The following DSCAM variants were observed in gnomAD, a reference collection of about 807,000 sequenced individuals.
DSCAM encodes DS cell adhesion molecule, also known as cell adhesion molecule DSCAM.
In DSCAM, 47 loss-of-function variants were observed where a neutral mutation model predicts 217.7. That is an observed-to-expected ratio of 0.22 (90% confidence interval 0.17 to 0.28). The LOEUF (loss-of-function observed/expected upper bound fraction) is 0.28, where lower values mean the gene tolerates loss of function less well. Among genes scored for constraint, DSCAM ranks in the 10% least tolerant of loss-of-function variants. The pLI is 1.00. For synonymous variants in DSCAM, 1,056 were observed against 1,015.3 expected (o/e 1.04, Z -0.76); for missense variants, 2,080 against 2,618.3 (o/e 0.79, Z 4.49).
chr21:40,354,990 T>A lies in DSCAM; in HGVS notation c.656-1247A>T, dbSNP rs144718831. ...ATTTATTCATTTCACAAATATGTTT[T>A]GATCCCTCAGTGTAGACCAGCACAG... On this transcript the variant is annotated intron_variant, in intron 4 of 32. Transcript: ENST00000400454. 6.3e-3 allele frequency among the ~76,000 whole-genome samples: 964 copies of A among 152,312 alleles called. 16 individuals are homozygous for A. Among genetic ancestry groups the A allele is most frequent in the African/African-American group, 0.022 (906 of 41,564 alleles).
intron 20 of DSCAM, among the ~76,000 whole-genome samples, chr21:40,097,964 AAGAAAGAAAGAAAGAAAG>A (rs1568939080): frequency 0.012 from 871 of 71,328 alleles, 148 homozygotes; most frequent in Middle Eastern, 0.026. Context: ...AAAAGAAAGA[AAGAAAGAAAGAAAGAAAG>A]AAAGAAAGAA....
At chr21:40,745,530 T>C (rs984773285) in intron 1 of DSCAM, among the ~76,000 whole-genome samples, 12 of 152,138 alleles carry the variant, frequency 7.9e-5, no homozygotes, top group Non-Finnish European at 2.9e-5. Context: ...GAAAGAACCT[T>C]GTAGCCAAGA....
At chr21:40,332,018 C>A (rs1041498100) in intron 8 of DSCAM, among the ~76,000 whole-genome samples, 2 of 152,178 alleles carry the variant, frequency 1.3e-5, no homozygotes, top group African/African-American at 4.8e-5. Context: ...CACTCAGGTG[C>A]CACATCGCTC....
chr21:40,495,193 A>C (rs1005970104), intron 3 of DSCAM, among the ~76,000 whole-genome samples: 1 of 152,184 alleles, frequency 6.6e-6, no homozygotes, highest in Non-Finnish European at 1.5e-5. Context: ...AAATTATTTT[A>C]AAAAGTCTAA....
intron 13 of DSCAM, 57 bp from the exon 14 acceptor site, chr21:40,187,316 G>A (rs1033845819): frequency 3.8e-6 from 6 of 1,599,814 alleles, no homozygotes; most frequent in East Asian, 2.2e-5. Context: ...GACATAAAAC[G>A]CTAGTGGAAA....
At chr21:40,070,394 GGAAAA>G (rs140043150) in intron 27 of DSCAM, among the ~76,000 whole-genome samples, 26,851 of 143,952 alleles carry the variant, frequency 0.19, 2,766 homozygotes, top group Non-Finnish European at 0.25. Flanking sequence ...AAGGAAGGAA[GGAAAA>G]GAAAAGAAAA....
rs538346774 is a variant in DSCAM at position 40,452,259 on chromosome 21, C to T, written c.509-83014G>A. 1.4e-4 allele frequency among the ~76,000 whole-genome samples: 22 copies of T among 151,756 alleles called. No individual in the cohort carries two copies. In the South Asian group the frequency reaches 4.6e-3, roughly 32 times the overall value. On this transcript the variant is annotated intron_variant, in intron 3 of 32. Coordinates refer to ENST00000400454, the MANE Select transcript of DSCAM (RefSeq NM_001389.5). ...TATTACACACACACACACACACACACACACACACAGGTATCCTGGAGGTAT... is the reference window on the plus strand; with the variant it reads ...TATTACACACACACACACACACACATACACACACAGGTATCCTGGAGGTAT...
chr21:40,251,432 G>A (rs533803006), intron 11 of DSCAM, among the ~76,000 whole-genome samples: 13 of 152,076 alleles, frequency 8.5e-5, no homozygotes, highest in Middle Eastern at 3.4e-3. Context: ...CACCATTCCC[G>A]ATGTTTCCTT....
chr21:40,157,903 A>G (rs1205792895), intron 16 of DSCAM, among the ~76,000 whole-genome samples: 1 of 151,958 alleles, frequency 6.6e-6, no homozygotes, highest in Non-Finnish European at 1.5e-5. Context: ...TATGTTGCCC[A>G]GGCTGGTCTT....
chr21:40,636,179 C>A (rs2089755748), intron 3 of DSCAM, among the ~76,000 whole-genome samples: 1 of 152,166 alleles, frequency 6.6e-6, no homozygotes, highest in South Asian at 2.1e-4. Context: ...CTCGCTATCT[C>A]TGCTGCCCAG....
Position 40,187,180 on chromosome 21 carries a change from A to T in DSCAM, c.2730T>A (p.Asp910Glu). The change falls in exon 14 of 33, where the codon GAT becomes GAA. Residue 910 changes from aspartate (D) to glutamate (E), a missense_variant. By Grantham distance (45) the Asp-to-Glu change is conservative (BLOSUM62 2). Transcript: ENST00000400454. ...TITLRWTMGFDGNSPITGYDI... is the reference protein window; with the variant it reads ...TITLRWTMGFEGNSPITGYDI... ...CGTAGCCTGTGATGGGACTGTTTCC[A>T]TCAAACCCCATGGTCCACCTGAGCG... 1 of 1,614,200 alleles carries T rather than the reference A, an allele frequency of 6.2e-7. No homozygotes were observed. The highest frequency in any genetic ancestry group is 8.5e-7 in the Non-Finnish European group (1 of 1,180,008).
intron 3 of DSCAM, among the ~76,000 whole-genome samples, chr21:40,599,206 T>TTTA (rs922101148): frequency 6.6e-6 from 1 of 152,296 alleles, no homozygotes; most frequent in Non-Finnish European, 1.5e-5. Context: ...AAGGCTTTTT[T>TTTA]TTATTATTAT....
chr21:40,344,285 A>G (rs576051836), intron 6 of DSCAM, among the ~76,000 whole-genome samples: 50 of 152,304 alleles, frequency 3.3e-4, no homozygotes, highest in African/African-American at 1.2e-3. Context: ...ATTTACTAAT[A>G]TATTTACCAT....
At chr21:40,637,618 TATATACATATATAA>T (rs2089817365) in intron 3 of DSCAM, among the ~76,000 whole-genome samples, 1 of 56,862 alleles carries the variant, frequency 1.8e-5, no homozygotes, top group Non-Finnish European at 3.0e-5. Flanking sequence ...TATATATAAA[TATATACATATATAA>T]ATATATATAA....
At chr21:40,682,010 G>A (rs556066828) in intron 3 of DSCAM, among the ~76,000 whole-genome samples, 101 of 152,224 alleles carry the variant, frequency 6.6e-4, no homozygotes, top group Non-Finnish European at 1.3e-3. Flanking sequence ...CTTTGGATTT[G>A]CAGACTTCAG....
intron 8 of DSCAM, among the ~76,000 whole-genome samples, chr21:40,323,550 T>G (rs2074283619): frequency 6.6e-6 from 1 of 152,214 alleles, no homozygotes; most frequent in Admixed American, 6.5e-5. Flanking sequence ...GGAAAACGTT[T>G]AAAAGGTGAA....
chr21:40,846,916 C>T lies in DSCAM; in HGVS notation c.-255G>A, dbSNP rs2092151383. On this transcript the variant is annotated 5_prime_UTR_variant, in exon 1 of 33. Transcript: ENST00000400454. ...CCGCGCCCCACGCTGCGGCCGGAGC[C>T]CAGGTGCGCCGTCAGCTCAGTGGGC... 6.6e-6 allele frequency: 1 copy of T among 151,840 alleles called. No homozygotes were observed. Among genetic ancestry groups the T allele is most frequent in the South Asian group, 2.1e-4 (1 of 4,836 alleles). 9.4% of individuals were successfully genotyped at this position (151,840 alleles called of 1,614,324 possible).
chr21:40,097,956 AAGAAAGAAAGAAAG>A (rs1292208691), intron 20 of DSCAM, among the ~76,000 whole-genome samples: 4 of 33,930 alleles, frequency 1.2e-4, no homozygotes, highest in African/African-American at 7.5e-4. Flanking sequence ...AAAAAAAAAA[AAGAAAGAAAGAAAG>A]AAAGAAAGAA....
chr21:40,516,335 G>A (rs950098776), intron 3 of DSCAM, among the ~76,000 whole-genome samples: 14 of 152,128 alleles, frequency 9.2e-5, no homozygotes, highest in Non-Finnish European at 1.6e-4. Flanking sequence ...TGTATTTCAT[G>A]TTCCATTCAA....
Sources: gnomAD v4.1 joint callset for allele counts (sites outside exome capture counted in the v4.1 genomes callset) on GRCh38, gnomAD v4.1.1 for gene constraint, MANE v1.5 for transcripts, NCBI Gene and HGNC (gene_info 2026-07-23, HGNC 2026-07-21) for gene names.